The following CD163 variants were observed in gnomAD, a reference collection of about 807,000 sequenced individuals.
The protein encoded by CD163 is CD163 molecule.
A neutral mutation model predicts 129.2 loss-of-function variants in CD163; 64 were observed. The observed-to-expected ratio is 0.50, with a 90% confidence interval of 0.41 to 0.61. CD163 has a LOEUF of 0.61. Among genes scored for constraint, CD163 ranks in the 20% least tolerant of loss-of-function variants. The probability of loss-of-function intolerance (pLI) is 0.00; values close to 1 mark genes in which losing one functional copy is unlikely to be tolerated. For synonymous variants in CD163, 446 were observed against 478.5 expected, an observed-to-expected ratio of 0.93 and a Z score of 0.89; for missense variants, 1,061 against 1,377.9, an observed-to-expected ratio of 0.77 and a Z score of 3.64.
chr12:7,474,942 A>G (rs942238567), intron 16 of CD163, among the ~76,000 whole-genome samples: 1 of 152,062 alleles, frequency 6.6e-6, no homozygotes, highest in Non-Finnish European at 1.5e-5. Context: ...AGAATGCTAT[A>G]AACACCTCTA....
rs200642325 is a variant in CD163, at chr12:7,501,235, G to A, written c.361C>T (p.Arg121Cys). The change falls in exon 3 of 17, where the codon CGT becomes TGT. Residue 121 changes from arginine (R) to cysteine (C), a missense_variant. Coordinates refer to ENST00000432237, the MANE Select transcript of CD163 (RefSeq NM_203416.4). ...GRIWMDHVSC[R>C]GNESALWDCK... is the part of the protein sequence containing the mutation. ...TCCCAAAGAGCTGACTCATTCCCAC[G>A]ACAAGAAACATGATCCATCCAAATG... is the stretch of plus-strand genomic sequence containing the variant. 5 of 1,614,108 alleles carry A rather than the reference G, an allele frequency of 3.1e-6. No individual in the cohort carries two copies. The highest frequency in any genetic ancestry group is 2.2e-5 in the East Asian group (1 of 44,884).
At chr12:7,483,926 C>T (rs1437297622) in intron 11 of CD163, among the ~76,000 whole-genome samples, 10 of 148,206 alleles carry the variant, frequency 6.7e-5, no homozygotes, top group African/African-American at 2.0e-4. Flanking sequence ...CTGCAAGCTC[C>T]GCCTCCCAGG....
chr12:7,479,893 A>G lies in CD163; in HGVS notation c.3364T>C (p.Ter1122ArgextTer10). 3.7e-6 allele frequency: 6 copies of G among 1,612,514 alleles called. No individual in the cohort carries two copies. The highest frequency in any genetic ancestry group is 5.1e-6 in the Non-Finnish European group (6 of 1,179,276). ...NSSGGHSEPH[*>R] is the part of the protein sequence containing the mutation. ...GTTATAAATTCCCATTTTCCTTTTC[A>G]GTGTGGCTCAGAATGGCCTCCTTTT... The change falls in exon 16 of 17, where the codon TGA becomes CGA. Residue 1122 changes from the stop codon to arginine (R), a stop_lost. Coordinates refer to ENST00000432237, the MANE Select transcript of CD163 (RefSeq NM_203416.4).
intron 16 of CD163, among the ~76,000 whole-genome samples, chr12:7,473,951 T>C (rs764108391): frequency 1.3e-5 from 2 of 151,948 alleles, no homozygotes; most frequent in Non-Finnish European, 2.9e-5. Flanking sequence ...AAAATAGACC[T>C]TAAGCCAATA....
At position 7,487,285 on chromosome 12, in the gene CD163, G is replaced by A. The variant is rs188505613; in HGVS notation, c.2050+74C>T. 2.0e-4 allele frequency: 287 copies of A among 1,439,162 alleles called. No individual in the cohort carries two copies. The highest frequency in any genetic ancestry group is 1.8e-3 in the African/African-American group (126 of 70,340). 89.1% of individuals were successfully genotyped at this position (1,439,162 alleles called of 1,614,324 possible). On this transcript the variant is annotated intron_variant, in intron 8 of 16. Coordinates refer to ENST00000432237, the MANE Select transcript of CD163 (RefSeq NM_203416.4). This position sits in a 1 kb window ranked among gnomAD's most constrained non-coding sequence, Gnocchi z 5.1. ...ATGACCCTTCAAAATGGATCACTGC[G>A]TTTTACTTTTGTTCTTCATCCCTAT... is the stretch of plus-strand genomic sequence containing the variant.
intron 16 of CD163, among the ~76,000 whole-genome samples, chr12:7,472,483 C>T (rs1297143789): frequency 3.3e-5 from 5 of 152,124 alleles, no homozygotes; most frequent in African/African-American, 1.2e-4. Flanking sequence ...GAAGAGGGGC[C>T]TGACTGTTAT....
Position 7,503,658 on chromosome 12 carries a change from G to T in CD163, c.33C>A (p.Asp11Glu). 1 of 1,602,188 alleles carries T rather than the reference G, an allele frequency of 6.2e-7. No homozygotes were observed. Among genetic ancestry groups the T allele is most frequent in the Non-Finnish European group, 8.5e-7 (1 of 1,171,410 alleles). The change falls in exon 1 of 17, where the codon GAC becomes GAA. Residue 11 changes from aspartate (D) to glutamate (E), a missense_variant. Transcript: ENST00000432237. ...AGAAGCTTTTACCAGCAGATCCAGA[G>T]TCTTCAAGTAGCACCATTCTGAGTT... MSKLRMVLLE[D>E]SGSADFRRHF...
At chr12:7,474,266 A>T (rs59250793) in intron 16 of CD163, among the ~76,000 whole-genome samples, 7,441 of 152,268 alleles carry the variant, frequency 0.049, 612 homozygotes, top group African/African-American at 0.17. Flanking sequence ...CTCCAAATCA[A>T]CAGAATATAC....
At position 7,501,166 on chromosome 12, in the gene CD163, G is replaced by C. The variant is rs763647706; in HGVS notation, c.430C>G (p.Gln144Glu). 1.2e-6 allele frequency: 2 copies of C among 1,613,900 alleles called. No homozygotes were observed. Among genetic ancestry groups the C allele is most frequent in the African/African-American group, 2.7e-5 (2 of 74,880 alleles). ...GAGCAGGTCACTCCAGCATCTTGTT[G>C]GTGAGTACAGTTACTATGCTTTCCC... ...GWGKHSNCTH[Q>E]QDAGVTCSDG... is the part of the protein sequence containing the mutation. The change falls in exon 3 of 17, where the codon CAA (glutamine) becomes GAA (glutamate). Residue 144 changes from glutamine to glutamate, a missense_variant. Gln to Glu is a conservative substitution (Grantham distance 29, BLOSUM62 2). Coordinates refer to ENST00000432237, the MANE Select transcript of CD163 (RefSeq NM_203416.4).
rs1167595196 is a variant in CD163, at chr12:7,496,793, T to A, written c.1099+20A>T. 2.5e-6 allele frequency: 4 copies of A among 1,610,670 alleles called. No individual in the cohort carries two copies. Among genetic ancestry groups the A allele is most frequent in the Non-Finnish European group, 3.4e-6 (4 of 1,177,208 alleles). ...TTTCTTTTTGTTTAGTGTTTTGGTTTTGGTTTGGTTTTAACTTACCAGAAC... is the reference window on the plus strand; with the variant it reads ...TTTCTTTTTGTTTAGTGTTTTGGTTATGGTTTGGTTTTAACTTACCAGAAC... On this transcript the variant is annotated intron_variant, in intron 5 of 16. Transcript: ENST00000432237. The surrounding 1 kb of genome is among the most constrained non-coding windows in gnomAD (Gnocchi z 4.8).
Position 7,488,091 on chromosome 12 carries a change from A to C in CD163, c.1421-4T>G. 1 of 1,597,416 alleles carries C rather than the reference A, an allele frequency of 6.3e-7. No individual in the cohort carries two copies. Among genetic ancestry groups the C allele is most frequent in the Non-Finnish European group, 8.5e-7 (1 of 1,172,386 alleles). On this transcript the variant is annotated splice_region_variant and splice_polypyrimidine_tract_variant and intron_variant, in intron 6 of 16. Coordinates refer to ENST00000432237, the MANE Select transcript of CD163 (RefSeq NM_203416.4). ...ACCAGTCTGGGTTCCCTGTGGGCTG[A>C]AAAATAAATATTATTTCAGTGAGAG...
At chr12:7,479,832 C>T (rs1425169010) in intron 16 of CD163, 28 bp downstream of exon 16, 1 of 1,605,880 alleles carries the variant, frequency 6.2e-7, no homozygotes, top group Admixed American at 1.7e-5. Flanking sequence ...CTGTTTTGAA[C>T]AATGACTAAT....
chr12:7,472,382 C>A (rs1004144751), intron 16 of CD163, among the ~76,000 whole-genome samples: 6 of 152,244 alleles, frequency 3.9e-5, no homozygotes, highest in African/African-American at 1.4e-4. Flanking sequence ...AATGAGAAGG[C>A]AGCAATCTTT....
chr12:7,496,998 T>C lies in CD163; in HGVS notation c.914A>G (p.Lys305Arg). 1 of 1,614,084 alleles carries C rather than the reference T, an allele frequency of 6.2e-7. No individual in the cohort carries two copies. Among genetic ancestry groups the C allele is most frequent in the Non-Finnish European group, 8.5e-7 (1 of 1,179,994 alleles). Reference protein sequence around the residue: ...WDSYDAAVACKQLGCPTAVTA... With the variant: ...WDSYDAAVACRQLGCPTAVTA... ...GACGGCAGTTGGACATCCCAGTTGC[T>C]TGCATGCCACAGCAGCATCGTAACT... The change falls in exon 5 of 17, where the codon AAG becomes AGG. Residue 305 changes from lysine (K) to arginine (R), a missense_variant. Transcript: ENST00000432237. This position sits in a 1 kb window ranked among gnomAD's most constrained non-coding sequence, Gnocchi z 4.8.
rs142243919 is a variant in CD163 at position 7,501,074 on chromosome 12, C to G, written c.457+65G>C. On this transcript the variant is annotated intron_variant, in intron 3 of 16. Transcript: ENST00000432237. ...GAAAGTGGCTTATTCTAGGTTTTAA[C>G]CCATCTACATATTTTTTTCCCACCA... 2.5e-5 allele frequency: 35 copies of G among 1,391,080 alleles called. No individual in the cohort carries two copies. In the East Asian group the frequency reaches 8.0e-4, roughly 32 times the overall value. The allele number at this position is 1,391,080 out of a possible 1,614,324, so 86.2% of individuals were successfully genotyped here. A position where few individuals can be genotyped will look rare whatever the true frequency, so the allele number is the denominator to read the frequency against.
In CD163 at chr12:7,496,242, C is replaced by T. The variant is rs776406531; in HGVS notation, c.1099+571G>A. ...ACACACAAGAACAGAAAACCAAACACTGCATGTTCTCACTCATAACTGGGA... is the reference window on the plus strand; with the variant it reads ...ACACACAAGAACAGAAAACCAAACATTGCATGTTCTCACTCATAACTGGGA... On this transcript the variant is annotated intron_variant, in intron 5 of 16. Coordinates refer to ENST00000432237, the MANE Select transcript of CD163 (RefSeq NM_203416.4). This position sits in a 1 kb window ranked among gnomAD's most constrained non-coding sequence, Gnocchi z 4.8. Among the ~76,000 whole-genome samples, 1 of 152,238 alleles carries T rather than the reference C, an allele frequency of 6.6e-6. No individual in the cohort carries two copies. Among genetic ancestry groups the T allele is most frequent in the Admixed American group, 6.5e-5 (1 of 15,296 alleles).
At chr12:7,480,488 A>G (rs1286827456) in intron 15 of CD163, 1 of 152,734 alleles carries the variant, frequency 6.5e-6, no homozygotes, top group Non-Finnish European at 1.5e-5. Flanking sequence ...AATATAATAA[A>G]TATCAAGCTA....
intron 11 of CD163, among the ~76,000 whole-genome samples, chr12:7,484,639 C>CAAAAAA (rs10690784): frequency 9.9e-6 from 1 of 100,504 alleles, no homozygotes; most frequent in Non-Finnish European, 1.9e-5. Context: ...AACTCTGTCT[C>CAAAAAA]AAAAAAAAAA....
intron 12 of CD163, 144 bp from the exon 13 acceptor site, chr12:7,483,148 T>C: frequency 1.1e-6 from 1 of 887,380 alleles, no homozygotes; most frequent in East Asian, 2.5e-5. Context: ...CTAGTCTTTC[T>C]TTCTCTGCAC....
Sources: allele counts gnomAD v4.1 joint callset (sites outside exome capture counted in the v4.1 genomes callset), GRCh38; gene constraint gnomAD v4.1.1; non-coding constraint Gnocchi (gnomAD v3.1); transcripts MANE v1.5; gene names NCBI Gene and HGNC (gene_info 2026-07-23, HGNC 2026-07-21).